The following TRAK2 variants were observed in gnomAD, a reference collection of about 807,000 sequenced individuals.
The protein encoded by TRAK2 is trafficking kinesin protein 2.
TRAK2 carries 81 observed loss-of-function variants against 104.6 expected under a neutral mutation model. The observed-to-expected ratio is 0.77, with a 90% CI of 0.65 to 0.93. The LOEUF (loss-of-function observed/expected upper bound fraction) is 0.93. Ranked by LOEUF, TRAK2 falls within the 40% of genes least tolerant of loss-of-function variation. The pLI is 0.00. For synonymous variants in TRAK2, 406 were observed against 394.4 expected (o/e 1.03, Z -0.35); for missense variants, 1,002 against 1,089.0 (o/e 0.92, Z 1.12).
At chr2:201,387,557 A>G (rs1327554423) in intron 13 of TRAK2, 146 bp downstream of exon 13, 1 of 758,858 alleles carries the variant, frequency 1.3e-6, no homozygotes, top group African/African-American at 1.7e-5. Context: ...AAAGTACTAC[A>G]GTCTTGCCAC....
Position 201,447,589 on chromosome 2 carries a change from GT to G in TRAK2, c.-200+3760del, listed in dbSNP as rs759200417. Among the ~76,000 whole-genome samples, 16 of 152,140 alleles carry G rather than the reference GT, an allele frequency of 1.1e-4. No homozygotes were observed. Among genetic ancestry groups the G allele is most frequent in the Non-Finnish European group, 1.6e-4 (11 of 68,028 alleles). ...TCCTCACATGGTCTTTCCTTTGTGT[GT>G]GCAACTCCTGTGTCTCTTTTTGTGC... On this transcript the variant is annotated intron_variant, in intron 1 of 15. Coordinates refer to ENST00000332624, the MANE Select transcript of TRAK2 (RefSeq NM_015049.3). The surrounding 1 kb of genome is among the most constrained non-coding windows in gnomAD (Gnocchi z 4.1).
chr2:201,435,217 C>T (rs966900110), intron 1 of TRAK2, among the ~76,000 whole-genome samples: 2 of 152,146 alleles, frequency 1.3e-5, no homozygotes, highest in African/African-American at 4.8e-5. Flanking sequence ...CCACCATGCC[C>T]AGCTAATTTT....
At position 201,387,848 on chromosome 2, in the gene TRAK2, C is replaced by G; in HGVS notation, c.1551G>C (p.Gln517His). Reference sequence around the variant, plus strand: ...TGACACAGCCACTAACTCCTTCCTTCTGGTCTGCCAGAACCTGGATCTTCC... The same window carrying G: ...TGACACAGCCACTAACTCCTTCCTTGTGGTCTGCCAGAACCTGGATCTTCC... ...WQRKIQVLAD[Q>H]KEGVSGCVTP... Residue 517 changes from glutamine to histidine, a missense_variant, in exon 13 of 16, where the codon CAG (glutamine) becomes CAC (histidine). Coordinates refer to ENST00000332624, the MANE Select transcript of TRAK2 (RefSeq NM_015049.3). 1 of 1,614,224 alleles carries G rather than the reference C, an allele frequency of 6.2e-7. No individual in the cohort carries two copies. The highest frequency in any genetic ancestry group is 8.5e-7 in the Non-Finnish European group (1 of 1,180,022).
At chr2:201,449,307 G>C (rs1311064328) in intron 1 of TRAK2, among the ~76,000 whole-genome samples, 2 of 152,130 alleles carry the variant, frequency 1.3e-5, no homozygotes, top group Non-Finnish European at 2.9e-5. Context: ...TTAGTTACCT[G>C]ATCTGTGACT....
At position 201,380,419 on chromosome 2, in the gene TRAK2, C is replaced by T; in HGVS notation, c.*124G>A. The T allele has an allele frequency of 9.9e-7, 1 of 1,010,322 alleles. No individual in the cohort carries two copies. The highest frequency in any genetic ancestry group is 1.7e-5 in the South Asian group (1 of 59,088). 62.6% of individuals were successfully genotyped at this position (1,010,322 alleles called of 1,614,324 possible). ...ATTTTATTTCCATTCCTCCATTCCC[C>T]CTTTCACATTCACAACCCTTGTGCA... is the stretch of plus-strand genomic sequence containing the variant. On this transcript the variant is annotated 3_prime_UTR_variant, in exon 16 of 16. Transcript: ENST00000332624.
intron 3 of TRAK2, 45 bp downstream of exon 3, chr2:201,407,358 T>C: frequency 1.3e-6 from 2 of 1,521,460 alleles, no homozygotes; most frequent in Non-Finnish European, 1.8e-6. Context: ...ATACCCATGA[T>C]CATTACTTTA....
chr2:201,387,076 C>A (rs764758994), intron 13 of TRAK2, among the ~76,000 whole-genome samples: 23 of 152,156 alleles, frequency 1.5e-4, no homozygotes, highest in Non-Finnish European at 3.1e-4. Context: ...TTAATGAATA[C>A]AACTAAGTTA....
At position 201,377,235 on chromosome 2, in the gene TRAK2, A is replaced by C. The variant is rs900493633; in HGVS notation, c.*3308T>G. The C allele has an allele frequency of 7.2e-5, 11 of 152,214 alleles. No individual in the cohort carries two copies. The highest frequency in any genetic ancestry group is 2.1e-4 in the South Asian group (1 of 4,826). The allele number at this position is 152,214 out of a possible 1,614,324, so 9.4% of individuals were successfully genotyped here. A position where few individuals can be genotyped will look rare whatever the true frequency, so the allele number is the denominator to read the frequency against. On this transcript the variant is annotated 3_prime_UTR_variant, in exon 16 of 16. Transcript: ENST00000332624. ...AAATTCAAGCTACTCATGTTTATTA[A>C]CTGATCTACATTTGACAAAACAAAG...
chr2:201,437,476 T>G (rs777771185), intron 1 of TRAK2, among the ~76,000 whole-genome samples: 1 of 152,202 alleles, frequency 6.6e-6, no homozygotes, highest in Non-Finnish European at 1.5e-5. Context: ...TTTATAATCA[T>G]TACCATAAAT....
intron 2 of TRAK2, among the ~76,000 whole-genome samples, chr2:201,417,241 C>A (rs1271196450): frequency 6.4e-4 from 57 of 88,394 alleles, no homozygotes; most frequent in African/African-American, 1.5e-3. Flanking sequence ...GAAGACATTG[C>A]AAAAAAAAAA....
At chr2:201,393,434 G>T (rs1951466328) in intron 9 of TRAK2, among the ~76,000 whole-genome samples, 1 of 152,122 alleles carries the variant, frequency 6.6e-6, no homozygotes. Flanking sequence ...TAAGTGACAA[G>T]ATCAAGAGCC....
Position 201,447,328 on chromosome 2 carries a change from T to C in TRAK2, c.-200+4022A>G, listed in dbSNP as rs1434342427. On this transcript the variant is annotated intron_variant, in intron 1 of 15. Transcript: ENST00000332624. This position sits in a 1 kb window ranked among gnomAD's most constrained non-coding sequence, Gnocchi z 4.1. ...TCACCTAACCACAGCTTAAAGGCTT[T>C]TTGTATGTCAACTTCTATCACCTAA... Among the ~76,000 whole-genome samples the C allele has an allele frequency of 2.6e-5, 4 of 152,336 alleles. No homozygotes were observed. The East Asian group carries it at 7.7e-4, about 29-fold the overall frequency.
Position 201,380,840 on chromosome 2 carries a change from A to G in TRAK2, c.2448T>C (p.Tyr816=), listed in dbSNP as rs1951335348. 2 of 1,613,950 alleles carry G rather than the reference A, an allele frequency of 1.2e-6. No homozygotes were observed. The highest frequency in any genetic ancestry group is 2.7e-5 in the African/African-American group (2 of 74,910). ...RPAETFLQEM[Y]GLRPSRNPPD... is the part of the protein sequence containing the mutation. ...GAGGGTTCCGGGAGGGTCTCAAGCC[A>G]TACATCTCCTGGAGGAATGTCTCAG... Residue 816 remains tyrosine, a synonymous_variant, in exon 16 of 16, where the codon TAT becomes TAC. Transcript: ENST00000332624.
At chr2:201,415,426 G>A (rs2125652646) in intron 2 of TRAK2, among the ~76,000 whole-genome samples, 1 of 152,222 alleles carries the variant, frequency 6.6e-6, no homozygotes, top group East Asian at 1.9e-4. Context: ...GACCCGTCAT[G>A]ACAGAAATAA....
At chr2:201,404,847 C>T (rs1400973943) in intron 3 of TRAK2, among the ~76,000 whole-genome samples, 1 of 152,198 alleles carries the variant, frequency 6.6e-6, no homozygotes, top group East Asian at 1.9e-4. Flanking sequence ...CTCCTGACAC[C>T]TACAGGCAGG....
chr2:201,406,261 T>TTC (rs1276153804), intron 3 of TRAK2, among the ~76,000 whole-genome samples: 1 of 152,182 alleles, frequency 6.6e-6, no homozygotes, highest in African/African-American at 2.4e-5. Flanking sequence ...AGCAGTTAAG[T>TTC]TCTCAGAAAC....
In TRAK2 at chr2:201,378,337, G is replaced by A. The variant is rs1216280646; in HGVS notation, c.*2206C>T. ...GTATACAAATTATACTCAATACAGA[G>A]CACGGCAAGATCTAGTTCAATTTAT... On this transcript the variant is annotated 3_prime_UTR_variant, in exon 16 of 16. Coordinates refer to ENST00000332624, the MANE Select transcript of TRAK2 (RefSeq NM_015049.3). 6.6e-6 allele frequency: 1 copy of A among 152,076 alleles called. No individual in the cohort carries two copies. The highest frequency in any genetic ancestry group is 2.4e-5 in the African/African-American group (1 of 41,404). 9.4% of individuals were successfully genotyped at this position (152,076 alleles called of 1,614,324 possible). A position where few individuals can be genotyped will look rare whatever the true frequency, so the allele number is the denominator to read the frequency against.
At chr2:201,432,276 A>C (rs1361498250) in intron 1 of TRAK2, among the ~76,000 whole-genome samples, 2 of 152,216 alleles carry the variant, frequency 1.3e-5, no homozygotes, top group Non-Finnish European at 2.9e-5. Flanking sequence ...AGAGTCCTAA[A>C]TGCAGTAGAA....
chr2:201,441,802 C>T (rs577565598), intron 1 of TRAK2, among the ~76,000 whole-genome samples: 2 of 151,726 alleles, frequency 1.3e-5, no homozygotes, highest in African/African-American at 4.8e-5. Context: ...AGCGATTCTC[C>T]TGCCTCAGCC....
Sources: gnomAD v4.1 joint callset for allele counts (sites outside exome capture counted in the v4.1 genomes callset) on GRCh38, gnomAD v4.1.1 for gene constraint, Gnocchi (gnomAD v3.1) non-coding constraint, MANE v1.5 for transcripts, NCBI Gene and HGNC (gene_info 2026-07-23, HGNC 2026-07-21) for gene names.